The following BACH2 variants were observed in gnomAD, a reference collection of about 807,000 sequenced individuals.
BACH2 encodes transcription regulator protein BACH2.
A neutral mutation model predicts 61.8 loss-of-function variants in BACH2; 5 were observed. That is an observed-to-expected ratio of 0.08 (90% CI 0.04 to 0.17). BACH2 has a LOEUF of 0.17. Ranked by LOEUF, BACH2 falls within the 10% of genes least tolerant of loss-of-function variation. The pLI, the probability that BACH2 is intolerant of heterozygous loss-of-function variation, is 1.00. For missense variants in BACH2, 824 were observed against 1,091.1 expected (o/e 0.76, Z 3.45); for synonymous variants, 446 against 440.1 (o/e 1.01, Z -0.17).
In BACH2 at chr6:89,935,730, A is replaced by G. The variant is rs1772983680; in HGVS notation, c.2043+2414T>C. Among the ~76,000 whole-genome samples, 5 of 152,328 alleles carry G rather than the reference A, an allele frequency of 3.3e-5. No individual in the cohort carries two copies. In the South Asian group the frequency reaches 1.0e-3, roughly 32 times the overall value. ...TCTGTGGCTTGGAATTTATTTGTTC[A>G]GTATCACAAAATTACACTAAGCAGA... On this transcript the variant is annotated intron_variant, in intron 8 of 8. Coordinates refer to ENST00000257749, the MANE Select transcript of BACH2 (RefSeq NM_021813.4).
chr6:90,165,588 C>G (rs1036166654), intron 4 of BACH2, among the ~76,000 whole-genome samples: 1 of 152,092 alleles, frequency 6.6e-6, no homozygotes, highest in African/African-American at 2.4e-5. Flanking sequence ...AAAAAAGAGC[C>G]CGCATCGCCA....
At chr6:90,242,483 C>T (rs1337528549) in intron 3 of BACH2, among the ~76,000 whole-genome samples, 3 of 152,152 alleles carry the variant, frequency 2.0e-5, no homozygotes, top group African/African-American at 7.2e-5. Context: ...ATCAATTCAT[C>T]TAATGAAGGA....
intron 5 of BACH2, among the ~76,000 whole-genome samples, chr6:90,048,893 T>A (rs1008656822): frequency 1.3e-5 from 2 of 152,220 alleles, no homozygotes; most frequent in African/African-American, 4.8e-5. Context: ...TCTTTAGATT[T>A]GTAACAGCTC....
intron 4 of BACH2, among the ~76,000 whole-genome samples, chr6:90,123,692 C>T (rs1179579097): frequency 6.8e-6 from 1 of 146,130 alleles, no homozygotes; most frequent in African/African-American, 2.6e-5. Context: ...ATGGCGTGAA[C>T]CCGGGAGGCG....
chr6:90,283,792 G>C (rs1207306559), intron 1 of BACH2, among the ~76,000 whole-genome samples: 2 of 152,010 alleles, frequency 1.3e-5, no homozygotes, highest in Admixed American at 6.6e-5. Context: ...CAGATCACTT[G>C]AGGTCAGGAG....
chr6:90,172,857 T>C (rs1334040548), intron 4 of BACH2, among the ~76,000 whole-genome samples: 1 of 152,050 alleles, frequency 6.6e-6, no homozygotes, highest in Non-Finnish European at 1.5e-5. Context: ...GCTGCTACTG[T>C]ATACAAATTG....
Position 89,950,822 on chromosome 6 carries a change from C to T in BACH2, c.1284G>A (p.Arg428=). The change falls in exon 7 of 9, where the codon CGG becomes CGA. Residue 428 remains arginine, a synonymous_variant. Transcript: ENST00000257749. This position sits in a 1 kb window ranked among gnomAD's most constrained non-coding sequence, Gnocchi z 5.3. ...CGCTGGAGGAGAAGATCACGCTCCT[C>T]CGGTCCAGCTCTCCCTCCTGTTTAC... ...ALCKQEGELD[R]RSVIFSSSAC... is the part of the protein sequence containing the mutation. 6.2e-7 allele frequency: 1 copy of T among 1,614,084 alleles called. No individual in the cohort carries two copies. The highest frequency in any genetic ancestry group is 1.3e-5 in the African/African-American group (1 of 75,054).
chr6:90,053,817 T>C (rs1440421967), intron 5 of BACH2, among the ~76,000 whole-genome samples: 2 of 152,264 alleles, frequency 1.3e-5, no homozygotes, highest in Non-Finnish European at 2.9e-5. Flanking sequence ...TCTGTGGATG[T>C]GGTCTGTTTT....
chr6:89,950,748 C>T lies in BACH2; in HGVS notation c.1358G>A (p.Ser453Asn), dbSNP rs747080911. 2 of 1,614,204 alleles carry T rather than the reference C, an allele frequency of 1.2e-6. No homozygotes were observed. The highest frequency in any genetic ancestry group is 2.2e-5 in the South Asian group (2 of 91,078). Residue 453 changes from serine (S) to asparagine (N), a missense_variant, in exon 7 of 9, where the codon AGT becomes AAT. Ser to Asn is a conservative substitution (Grantham distance 46). Coordinates refer to ENST00000257749, the MANE Select transcript of BACH2 (RefSeq NM_021813.4). The surrounding 1 kb of genome is among the most constrained non-coding windows in gnomAD (Gnocchi z 5.3). ...TSVHSYSGVS[S>N]LDKDLSEPVP... is the part of the protein sequence containing the mutation. ...CGGCTCAGAGAGGTCTTTGTCCAAA[C>T]TGCTCACCCCAGAATAAGAATGCAC...
At chr6:90,296,375 G>A (rs1316659277) in intron 1 of BACH2, 105 bp downstream of exon 1, 1 of 150,540 alleles carries the variant, frequency 6.6e-6, no homozygotes, top group Non-Finnish European at 1.5e-5. Flanking sequence ...TTCCCGCGCC[G>A]TTTCCCCACG....
chr6:90,115,352 C>T (rs896163534), intron 4 of BACH2, among the ~76,000 whole-genome samples: 6 of 152,040 alleles, frequency 3.9e-5, no homozygotes, highest in African/African-American at 1.4e-4. Context: ...GAATAGAGAG[C>T]TCAGAAATAA....
chr6:89,951,907 C>T lies in BACH2; in HGVS notation c.244-45G>A. On this transcript the variant is annotated intron_variant, in intron 6 of 8. Transcript: ENST00000257749. This position sits in a 1 kb window ranked among gnomAD's most constrained non-coding sequence, Gnocchi z 6.4. ...ATCGCCAACATTACCATCAGCACTG[C>T]TATTGTCCCGAATCCCTCAACTGAA... 1 of 1,580,134 alleles carries T rather than the reference C, an allele frequency of 6.3e-7. No individual in the cohort carries two copies. Among genetic ancestry groups the T allele is most frequent in the East Asian group, 2.2e-5 (1 of 44,500 alleles).
At chr6:90,131,592 A>G (rs1318374245) in intron 4 of BACH2, among the ~76,000 whole-genome samples, 3 of 152,218 alleles carry the variant, frequency 2.0e-5, no homozygotes, top group African/African-American at 7.2e-5. Flanking sequence ...ACCCTTTATT[A>G]TGGCGAATCT....
At chr6:90,129,509 C>CT (rs936718934) in intron 4 of BACH2, among the ~76,000 whole-genome samples, 7 of 151,172 alleles carry the variant, frequency 4.6e-5, no homozygotes, top group Middle Eastern at 6.8e-3. Flanking sequence ...TGGTTTCTTT[C>CT]TTTTTTTTTA....
intron 4 of BACH2, among the ~76,000 whole-genome samples, chr6:90,152,742 T>C (rs1284538039): frequency 6.6e-6 from 1 of 152,240 alleles, no homozygotes; most frequent in Non-Finnish European, 1.5e-5. Flanking sequence ...TATTCATTCA[T>C]CACAACTAAA....
intron 5 of BACH2, among the ~76,000 whole-genome samples, chr6:90,053,837 T>C (rs900073906): frequency 6.6e-6 from 1 of 152,258 alleles, no homozygotes; most frequent in Non-Finnish European, 1.5e-5. Flanking sequence ...TCCCTATGGC[T>C]CCTTTTAAGA....
chr6:89,950,887 T>A lies in BACH2; in HGVS notation c.1219A>T (p.Met407Leu), dbSNP rs149181857. ...VGQKEVSNFT[M>L]GSPLRGPGLE... ...CCAGGCCCCCTGAGGGGCGACCCCATGGTGAAGTTGGACACCTCCTTCTGG... is the reference window on the plus strand; with the variant it reads ...CCAGGCCCCCTGAGGGGCGACCCCAAGGTGAAGTTGGACACCTCCTTCTGG... The change falls in exon 7 of 9, where the codon ATG becomes TTG. Residue 407 changes from methionine (M) to leucine (L), a missense_variant. Physicochemically the swap from Met to Leu is conservative, Grantham distance 15 (BLOSUM62 2). This residue lies in a region of BACH2 where 226 missense variants were observed against 228.5 expected (regional missense o/e 0.99). Coordinates refer to ENST00000257749, the MANE Select transcript of BACH2 (RefSeq NM_021813.4). This position sits in a 1 kb window ranked among gnomAD's most constrained non-coding sequence, Gnocchi z 5.3. 1.9e-6 allele frequency: 3 copies of A among 1,602,636 alleles called. No individual in the cohort carries two copies. The highest frequency in any genetic ancestry group is 2.7e-5 in the African/African-American group (2 of 74,684).
chr6:90,087,977 A>ATT (rs1303952105), intron 5 of BACH2, among the ~76,000 whole-genome samples: 1 of 142,178 alleles, frequency 7.0e-6, no homozygotes, highest in African/African-American at 2.6e-5. Context: ...CATTCTTTCT[A>ATT]TTTTTTTTTT....
At chr6:89,943,507 A>C (rs1201743107) in intron 7 of BACH2, among the ~76,000 whole-genome samples, 3 of 151,922 alleles carry the variant, frequency 2.0e-5, no homozygotes, top group Admixed American at 6.6e-5. Context: ...AAAAGAAGGG[A>C]AAAAAAATTC....
Sources: gnomAD v4.1 joint callset for allele counts (sites outside exome capture counted in the v4.1 genomes callset) on GRCh38, gnomAD v4.1.1 for gene constraint, gnomAD v4.1.1 regional missense constraint, Gnocchi (gnomAD v3.1) non-coding constraint, MANE v1.5 for transcripts, NCBI Gene and HGNC (gene_info 2026-07-23, HGNC 2026-07-21) for gene names.